KLF16: variants seen among roughly 807,000 people sequenced by gnomAD.
The protein encoded by KLF16 is Krueppel-like factor 16.
Under a neutral mutation model 6.1 loss-of-function variants are expected in KLF16, and 6 were observed. The observed-to-expected ratio is 0.98, with a 90% CI of 0.54 to 1.93. The LOEUF is 1.93. KLF16 is among the 30% of genes most tolerant of loss of function. The pLI, the probability that KLF16 is intolerant of heterozygous loss-of-function variation, is 0.01. For synonymous variants in KLF16, 211 were observed against 176.5 expected (o/e 1.20, Z -1.55); for missense variants, 355 against 363.8 (o/e 0.98, Z 0.20).
chr19:1,866,612 CAA>C (rs148043121), upstream of KLF16, among the ~76,000 whole-genome samples: 19 of 129,428 alleles, frequency 1.5e-4, no homozygotes, highest in South Asian at 2.4e-4. Context: ...GAAACTGTCT[CAA>C]AAAAAAAAAA....
intron 1 of KLF16, among the ~76,000 whole-genome samples, chr19:1,859,624 C>G (rs2012022517): frequency 6.6e-6 from 1 of 152,124 alleles, no homozygotes; most frequent in Admixed American, 6.5e-5. Flanking sequence ...ATTCCCTGCC[C>G]CACCCAGCCC....
the KLF16 span, among the ~76,000 whole-genome samples, chr19:1,868,755 G>T: frequency 6.6e-6 from 1 of 150,836 alleles, no homozygotes; most frequent in Non-Finnish European, 1.5e-5. Context: ...CAATTCTCCA[G>T]CCTTGGCTTC....
At chr19:1,868,367 G>A (rs190147492), upstream of KLF16, among the ~76,000 whole-genome samples, 317 of 151,680 alleles carry the variant, frequency 2.1e-3, 3 homozygotes, top group Admixed American at 5.3e-3. Context: ...CCCCTGCTAG[G>A]ATGTGAGGAG....
chr19:1,868,830 A>T, the KLF16 span, among the ~76,000 whole-genome samples: 7 of 152,066 alleles, frequency 4.6e-5, no homozygotes, highest in Middle Eastern at 3.4e-3. Context: ...TTTACTAGAA[A>T]CAGGGTTTCA....
chr19:1,863,883 C>G (rs1350718607), upstream of KLF16, among the ~76,000 whole-genome samples: 1 of 148,466 alleles, frequency 6.7e-6, no homozygotes, highest in Non-Finnish European at 1.5e-5. Context: ...CCGGAGCGCG[C>G]CTTCTCCGCG....
chr19:1,874,884 GC>G, the KLF16 span: 1 of 151,656 alleles, frequency 6.6e-6, no homozygotes, highest in Non-Finnish European at 1.5e-5. Context: ...AATACAAATG[GC>G]TTTTAAATAG....
At chr19:1,860,670 C>A (rs1175043864) in intron 1 of KLF16, among the ~76,000 whole-genome samples, 1 of 152,120 alleles carries the variant, frequency 6.6e-6, no homozygotes, top group African/African-American at 2.4e-5. Context: ...GGGGCTCCCT[C>A]CCAAAAAAAC....
At chr19:1,869,262 A>G in the KLF16 span, among the ~76,000 whole-genome samples, 1 of 152,174 alleles carries the variant, frequency 6.6e-6, no homozygotes, top group African/African-American at 2.4e-5. Flanking sequence ...GGATCACTTC[A>G]GGTCAGAAGT....
chr19:1,854,398 C>A lies in KLF16; in HGVS notation c.*61G>T. ...GAAGGGGCCCAGGCTCCCCGTGGGT[C>A]CTCACTACACCCCTGGATGGCAGAA... On this transcript the variant is annotated 3_prime_UTR_variant, in exon 2 of 2. Coordinates refer to ENST00000250916, the MANE Select transcript of KLF16 (RefSeq NM_031918.4). 1 of 1,371,086 alleles carries A rather than the reference C, an allele frequency of 7.3e-7. No individual in the cohort carries two copies. Among genetic ancestry groups the A allele is most frequent in the South Asian group, 1.7e-5 (1 of 58,462 alleles). The allele number at this position is 1,371,086 out of a possible 1,614,324, so 84.9% of individuals were successfully genotyped here.
At chr19:1,862,538 C>T (rs1351058416) in intron 1 of KLF16, among the ~76,000 whole-genome samples, 4 of 152,098 alleles carry the variant, frequency 2.6e-5, no homozygotes, top group Non-Finnish European at 5.9e-5. Context: ...ATCCTGGCCC[C>T]ACGCCAGGTG....
rs1043583839 is a variant in KLF16 at position 1,857,086 on chromosome 19, A to C, written c.458-2326T>G. Among the ~76,000 whole-genome samples, 4 of 151,408 alleles carry C rather than the reference A, an allele frequency of 2.6e-5. No homozygotes were observed. The highest frequency in any genetic ancestry group is 9.7e-5 in the African/African-American group (4 of 41,068). ...ACGTGGTCCCACTCCCGCCGGGGCC[A>C]GGGGGCCCGGGCCAGGGTCGCCTCT... On this transcript the variant is annotated intron_variant, in intron 1 of 1. Transcript: ENST00000250916. This position sits in a 1 kb window ranked among gnomAD's most constrained non-coding sequence, Gnocchi z 4.7.
upstream of KLF16, among the ~76,000 whole-genome samples, chr19:1,864,123 G>A (rs1049619908): frequency 2.1e-5 from 3 of 145,296 alleles, no homozygotes; most frequent in African/African-American, 7.6e-5. Flanking sequence ...CCCCACGCCG[G>A]GGCGCGCGGC....
At chr19:1,858,130 C>T (rs143479862) in intron 1 of KLF16, among the ~76,000 whole-genome samples, 134 of 152,222 alleles carry the variant, frequency 8.8e-4, no homozygotes, top group African/African-American at 3.2e-3. Flanking sequence ...CAGGCATACC[C>T]ACCCTTGTGT....
chr19:1,854,262 CACCCA>C lies in KLF16; in HGVS notation c.*192_*196del. 1.8e-6 allele frequency: 1 copy of C among 553,100 alleles called. No homozygotes were observed. The highest frequency in any genetic ancestry group is 4.2e-5 in the South Asian group (1 of 23,892). 34.3% of individuals were successfully genotyped at this position (553,100 alleles called of 1,614,324 possible). A position where few individuals can be genotyped will look rare whatever the true frequency, so the allele number is the denominator to read the frequency against. On this transcript the variant is annotated 3_prime_UTR_variant, in exon 2 of 2. Coordinates refer to ENST00000250916, the MANE Select transcript of KLF16 (RefSeq NM_031918.4). ...GCTATTTACAGACACAAGCCCCCGTCACCCATCCTGAGAGCCACCTCTGAGGTCAG... is the reference window on the plus strand; with the variant it reads ...GCTATTTACAGACACAAGCCCCCGTCTCCTGAGAGCCACCTCTGAGGTCAG...
chr19:1,859,829 C>G (rs2012027345), intron 1 of KLF16, among the ~76,000 whole-genome samples: 2 of 152,124 alleles, frequency 1.3e-5, no homozygotes, highest in Non-Finnish European at 2.9e-5. Flanking sequence ...CCTGCAGCCC[C>G]CTGGGGGGCA....
In KLF16 at chr19:1,854,277, C is replaced by T. The variant is rs370058918; in HGVS notation, c.*182G>A. On this transcript the variant is annotated 3_prime_UTR_variant, in exon 2 of 2. Transcript: ENST00000250916. Reference sequence around the variant, plus strand: ...AAGCCCCCGTCACCCATCCTGAGAGCCACCTCTGAGGTCAGGCAGACCCAG... The same window carrying T: ...AAGCCCCCGTCACCCATCCTGAGAGTCACCTCTGAGGTCAGGCAGACCCAG... 23 of 625,510 alleles carry T rather than the reference C, an allele frequency of 3.7e-5. No individual in the cohort carries two copies. Among genetic ancestry groups the T allele is most frequent in the Non-Finnish European group, 5.1e-5 (21 of 413,844 alleles). The allele number at this position is 625,510 out of a possible 1,614,324, so 38.7% of individuals were successfully genotyped here.
At position 1,859,093 on chromosome 19, in the gene KLF16, T is replaced by C. The variant is rs911915185; in HGVS notation, c.457+3948A>G. Among the ~76,000 whole-genome samples, 82 of 142,140 alleles carry C rather than the reference T, an allele frequency of 5.8e-4. 1 individual carries two copies. Among genetic ancestry groups the C allele is most frequent in the African/African-American group, 1.9e-3 (76 of 39,408 alleles). 93.2% of individuals were successfully genotyped at this position (142,140 alleles called of 152,430 possible). ...CTGGCCCCCTACCCCCCACCCCCTA[T>C]GGCCTGGCACTGCCCCACTCCGACC... On this transcript the variant is annotated intron_variant, in intron 1 of 1. Transcript: ENST00000250916.
chr19:1,856,868 G>A (rs942764613), intron 1 of KLF16, among the ~76,000 whole-genome samples: 1 of 150,464 alleles, frequency 6.6e-6, no homozygotes, highest in Non-Finnish European at 1.5e-5. Context: ...ACAGTCAGTT[G>A]GTTCACTTCC....
chr19:1,864,343 T>C (rs980626059), upstream of KLF16, among the ~76,000 whole-genome samples: 2 of 152,122 alleles, frequency 1.3e-5, no homozygotes, highest in Non-Finnish European at 2.9e-5. Flanking sequence ...CATCTGCTCG[T>C]CCTCTTCTCT....
Sources: allele counts gnomAD v4.1 joint callset (sites outside exome capture counted in the v4.1 genomes callset), GRCh38; gene constraint gnomAD v4.1.1; non-coding constraint Gnocchi (gnomAD v3.1); transcripts MANE v1.5; gene names NCBI Gene and HGNC (gene_info 2026-07-23, HGNC 2026-07-21).